ALMS1: variants seen among roughly 807,000 people sequenced by gnomAD.
The protein encoded by ALMS1 is centrosome-associated protein ALMS1.
A neutral mutation model predicts 352.2 loss-of-function variants in ALMS1; 271 were observed. That is an observed-to-expected ratio of 0.77 (90% confidence interval 0.70 to 0.85). The LOEUF (loss-of-function observed/expected upper bound fraction) is 0.85, where lower values mean the gene tolerates loss of function less well. ALMS1 is among the 40% of genes least tolerant of loss of function. The probability of loss-of-function intolerance (pLI) is 0.00; values close to 1 mark genes in which losing one functional copy is unlikely to be tolerated. For missense variants in ALMS1, 5,445 were observed against 4,870.7 expected (o/e 1.12, Z -3.51); for synonymous variants, 1,865 against 1,761.2 (o/e 1.06, Z -1.48).
intron 10 of ALMS1, among the ~76,000 whole-genome samples, chr2:73,493,495 G>A (rs1673035278): frequency 1.3e-5 from 2 of 151,896 alleles, no homozygotes; most frequent in South Asian, 2.1e-4. Context: ...GGCCAAGGTG[G>A]GCGGATCACC....
chr2:73,568,684 A>G (rs1409223267), intron 15 of ALMS1, among the ~76,000 whole-genome samples: 1 of 152,148 alleles, frequency 6.6e-6, no homozygotes, highest in Non-Finnish European at 1.5e-5. Flanking sequence ...TTCATATTAA[A>G]TTTGTCTGCA....
chr2:73,558,874 A>T (rs1165420300), intron 14 of ALMS1, 98 bp from the exon 15 acceptor site: 6 of 1,291,506 alleles, frequency 4.6e-6, no homozygotes, highest in African/African-American at 1.5e-5. Flanking sequence ...CTTCAATATC[A>T]GTAACAAAGC....
At chr2:73,499,935 T>C (rs1355860707) in intron 10 of ALMS1, among the ~76,000 whole-genome samples, 3 of 152,192 alleles carry the variant, frequency 2.0e-5, no homozygotes, top group Admixed American at 6.5e-5. Flanking sequence ...TCTGCTGTGA[T>C]TGGAAGCTTC....
At chr2:73,583,723 A>G (rs1446915389) in intron 16 of ALMS1, among the ~76,000 whole-genome samples, 1 of 152,234 alleles carries the variant, frequency 6.6e-6, no homozygotes, top group Non-Finnish European at 1.5e-5. Flanking sequence ...TTATCCAAGC[A>G]TCATTTGAAA....
intron 6 of ALMS1, among the ~76,000 whole-genome samples, chr2:73,429,127 G>A (rs1384481168): frequency 6.6e-6 from 1 of 152,034 alleles, no homozygotes; most frequent in African/African-American, 2.4e-5. Flanking sequence ...ATTAAATGGG[G>A]TAAGTTATGT....
At chr2:73,583,993 C>T (rs931370081) in intron 16 of ALMS1, among the ~76,000 whole-genome samples, 4 of 152,086 alleles carry the variant, frequency 2.6e-5, no homozygotes, top group African/African-American at 9.7e-5. Flanking sequence ...TGATTTCTTG[C>T]TATTTCCAAT....
In ALMS1 at chr2:73,496,416, G is replaced by A. The variant is rs79246093; in HGVS notation, c.9539+4918G>A. ...CACATCCATCTTGTGTGGATCAGTA[G>A]TGCTTTTTTATTGCTTTATTAAATG... On this transcript the variant is annotated intron_variant, in intron 10 of 22. Transcript: ENST00000613296. Among the ~76,000 whole-genome samples the A allele has an allele frequency of 9.9e-3, 1,498 of 152,074 alleles. 29 individuals carry two copies. Among genetic ancestry groups the A allele is most frequent in the African/African-American group, 0.034 (1,406 of 41,480 alleles).
At chr2:73,513,770 G>A (rs1673500198) in intron 10 of ALMS1, among the ~76,000 whole-genome samples, 1 of 151,940 alleles carries the variant, frequency 6.6e-6, no homozygotes, top group South Asian at 2.1e-4. Context: ...TCCTGATTTG[G>A]TGCTTTTATT....
chr2:73,563,937 A>G (rs1291708932), intron 15 of ALMS1, among the ~76,000 whole-genome samples: 1 of 151,910 alleles, frequency 6.6e-6, no homozygotes, highest in Non-Finnish European at 1.5e-5. Context: ...GAACACACAT[A>G]ATTAGCTTAT....
intron 10 of ALMS1, among the ~76,000 whole-genome samples, chr2:73,494,679 T>G (rs1231274515): frequency 1.3e-5 from 2 of 152,190 alleles, no homozygotes; most frequent in African/African-American, 4.8e-5. Context: ...CAAGGTTAGA[T>G]TAGGGTTATG....
chr2:73,464,671 T>C lies in ALMS1; in HGVS notation c.7674+9376T>C, dbSNP rs1298053023. Among the ~76,000 whole-genome samples the C allele has an allele frequency of 2.6e-5, 4 of 152,240 alleles. No individual in the cohort carries two copies. In the East Asian group the frequency reaches 7.7e-4, roughly 29 times the overall value. ...AACTCAAATTGTCCCTGTTTGCAGA[T>C]GACATGATTGTATATCTAGAAAACC... On this transcript the variant is annotated intron_variant, in intron 9 of 22. Coordinates refer to ENST00000613296, the MANE Select transcript of ALMS1 (RefSeq NM_001378454.1).
chr2:73,397,902 A>G (rs969225810), intron 1 of ALMS1, among the ~76,000 whole-genome samples: 1 of 152,204 alleles, frequency 6.6e-6, no homozygotes, highest in Non-Finnish European at 1.5e-5. Context: ...GTCTTTTGCA[A>G]ATATTTTCTT....
intron 16 of ALMS1, among the ~76,000 whole-genome samples, chr2:73,596,652 AG>A (rs141868567): frequency 0.047 from 7,093 of 151,694 alleles, 554 homozygotes; most frequent in East Asian, 0.41. Context: ...TTGTATTTTT[AG>A]TAGAGACCGG....
rs1248146570 is a variant in ALMS1, at chr2:73,592,836, A to G, written c.11548-6565A>G. Among the ~76,000 whole-genome samples, 4 of 152,344 alleles carry G rather than the reference A, an allele frequency of 2.6e-5. No homozygotes were observed. The East Asian group carries it at 7.7e-4, about 29-fold the overall frequency. On this transcript the variant is annotated intron_variant, in intron 16 of 22. Transcript: ENST00000613296. The stretch of plus-strand genomic sequence containing the variant: ...AGTTCTTAAGCTAAAGAGTACTACA[A>G]AAACCCTGAAACATCTCTGAGATGG...
chr2:73,409,006 G>A (rs1671026170), intron 2 of ALMS1, among the ~76,000 whole-genome samples: 1 of 150,750 alleles, frequency 6.6e-6, no homozygotes, highest in Admixed American at 6.6e-5. Context: ...TTGAGTAGCT[G>A]GGACTACAGA....
intron 12 of ALMS1, among the ~76,000 whole-genome samples, chr2:73,546,609 A>C (rs1674325663): frequency 6.6e-6 from 1 of 152,262 alleles, no homozygotes; most frequent in South Asian, 2.1e-4. Context: ...CAAGATAAAC[A>C]AGTAGACCCA....
rs564325358 is a variant in ALMS1, at chr2:73,397,221, C to G, written c.324+11029C>G. Among the ~76,000 whole-genome samples the G allele has an allele frequency of 2.6e-5, 4 of 152,236 alleles. No homozygotes were observed. In the East Asian group the frequency reaches 5.8e-4, roughly 22 times the overall value. The stretch of plus-strand genomic sequence containing the variant: ...GTCAATTACACTAGATTTTTCTTCC[C>G]TAGTACTAGTTAGTTCCCACAGTGG... On this transcript the variant is annotated intron_variant, in intron 1 of 22. Transcript: ENST00000613296.
chr2:73,490,142 A>T lies in ALMS1; in HGVS notation c.8183A>T (p.Asn2728Ile), dbSNP rs886758563. ...CACCGACATTCTAAATGCATTTCCAATTCCTCTGTTGTTAAGGTTGGTGTT... is the reference window on the plus strand; with the variant it reads ...CACCGACATTCTAAATGCATTTCCATTTCCTCTGTTGTTAAGGTTGGTGTT... ...SSHRHSKCIS[N>I]SSVVKVGVTE... Residue 2728 changes from asparagine to isoleucine, a missense_variant, in exon 10 of 23, where the codon AAT (asparagine) becomes ATT (isoleucine). Asn to Ile is a moderately radical substitution (Grantham distance 149). Coordinates refer to ENST00000613296, the MANE Select transcript of ALMS1 (RefSeq NM_001378454.1). The T allele has an allele frequency of 2.5e-6, 4 of 1,614,144 alleles. No individual in the cohort carries two copies. The African/African-American group carries it at 5.3e-5, about 22-fold the overall frequency.
intron 20 of ALMS1, among the ~76,000 whole-genome samples, chr2:73,602,961 C>T (rs1456737048): frequency 6.6e-6 from 1 of 152,212 alleles, no homozygotes; most frequent in African/African-American, 2.4e-5. Flanking sequence ...GCTGTGAAAA[C>T]TACAAAGCAC....
Sources: allele counts gnomAD v4.1 joint callset (sites outside exome capture counted in the v4.1 genomes callset), GRCh38; gene constraint gnomAD v4.1.1; transcripts MANE v1.5; gene names NCBI Gene and HGNC (gene_info 2026-07-23, HGNC 2026-07-21).